UBE2E3: variants seen among roughly 807,000 people sequenced by gnomAD.
UBE2E3 encodes ubiquitin-conjugating enzyme E2 E3.
Under a neutral mutation model 23.6 loss-of-function variants are expected in UBE2E3, and 5 were observed. The observed-to-expected ratio is 0.21, with a 90% CI of 0.11 to 0.44. The LOEUF is 0.44. Ranked by LOEUF, UBE2E3 falls within the 20% of genes least tolerant of loss-of-function variation. UBE2E3 has a pLI of 0.99. For synonymous variants in UBE2E3, 78 were observed against 87.5 expected, an observed-to-expected ratio of 0.89 and a Z score of 0.60; for missense variants, 81 against 249.8, an observed-to-expected ratio of 0.32 and a Z score of 4.55.
At chr2:181,019,826 T>C (rs1398181868) in intron 3 of UBE2E3, among the ~76,000 whole-genome samples, 1 of 152,038 alleles carries the variant, frequency 6.6e-6, no homozygotes, top group African/African-American at 2.4e-5. Flanking sequence ...CCATTTTCTT[T>C]TAATTTTTTT....
intron 3 of UBE2E3, among the ~76,000 whole-genome samples, chr2:181,002,819 T>G (rs528336347): frequency 6.6e-6 from 1 of 152,342 alleles, no homozygotes; most frequent in South Asian, 2.1e-4. Context: ...TCGATTATCT[T>G]TTGTTCCCTC....
At chr2:181,029,565 C>CT (rs781675227) in intron 3 of UBE2E3, among the ~76,000 whole-genome samples, 15 of 149,946 alleles carry the variant, frequency 1.0e-4, no homozygotes, top group Non-Finnish European at 7.4e-5. Flanking sequence ...TATCTAAAAA[C>CT]TTGTTTTTTA....
intron 3 of UBE2E3, among the ~76,000 whole-genome samples, chr2:181,041,307 C>T (rs143122929): frequency 4.5e-4 from 68 of 150,922 alleles, no homozygotes; most frequent in African/African-American, 1.6e-3. Flanking sequence ...GAACCAAAGC[C>T]CTTTACCTCT....
At chr2:181,035,420 ATTAC>A (rs1290316717) in intron 3 of UBE2E3, among the ~76,000 whole-genome samples, 1 of 152,136 alleles carries the variant, frequency 6.6e-6, no homozygotes, top group Non-Finnish European at 1.5e-5. Flanking sequence ...AAAAATATGA[ATTAC>A]TTTTTAAATA....
chr2:181,044,470 C>T (rs1686611686), intron 3 of UBE2E3, among the ~76,000 whole-genome samples: 1 of 152,056 alleles, frequency 6.6e-6, no homozygotes. Flanking sequence ...AAAAAAGAAT[C>T]TTTAGTGGCA....
intron 3 of UBE2E3, among the ~76,000 whole-genome samples, chr2:181,026,854 C>T (rs1266752675): frequency 6.8e-6 from 1 of 147,346 alleles, no homozygotes; most frequent in Non-Finnish European, 1.5e-5. Context: ...TATTCAGGTC[C>T]AACTTTGATT....
intron 3 of UBE2E3, among the ~76,000 whole-genome samples, chr2:181,042,001 A>G (rs761859501): frequency 6.6e-6 from 1 of 152,226 alleles, no homozygotes; most frequent in Non-Finnish European, 1.5e-5. Flanking sequence ...TGAGGATATA[A>G]TTGTGGAGCC....
chr2:181,049,086 G>C (rs1297006366), intron 3 of UBE2E3, among the ~76,000 whole-genome samples: 2 of 152,084 alleles, frequency 1.3e-5, no homozygotes, highest in African/African-American at 4.8e-5. Flanking sequence ...AGCTGAGGGA[G>C]TAAAGAAGCT....
chr2:181,033,052 A>AT (rs1404259143), intron 3 of UBE2E3, among the ~76,000 whole-genome samples: 7 of 152,278 alleles, frequency 4.6e-5, no homozygotes, highest in Admixed American at 1.3e-4. Flanking sequence ...ATGGAAGAAC[A>AT]TTCCATGCTC....
At chr2:181,043,712 C>G (rs988694685) in intron 3 of UBE2E3, among the ~76,000 whole-genome samples, 1 of 152,106 alleles carries the variant, frequency 6.6e-6, no homozygotes, top group Non-Finnish European at 1.5e-5. Context: ...CACCCATCCT[C>G]TTTTAAAATA....
intron 3 of UBE2E3, among the ~76,000 whole-genome samples, chr2:181,026,160 C>A (rs375079779): frequency 8.3e-4 from 126 of 151,954 alleles, no homozygotes; most frequent in African/African-American, 3.0e-3. Context: ...GATGAAAAAA[C>A]ACACTGAAAC....
intron 3 of UBE2E3, among the ~76,000 whole-genome samples, chr2:181,017,797 G>A (rs750548096): frequency 6.8e-6 from 1 of 147,958 alleles, no homozygotes; most frequent in African/African-American, 2.5e-5. Context: ...TTTCAGCTCC[G>A]AACTAAAACG....
intron 3 of UBE2E3, among the ~76,000 whole-genome samples, chr2:180,991,377 A>G (rs1234380203): frequency 6.6e-6 from 1 of 152,194 alleles, no homozygotes; most frequent in Non-Finnish European, 1.5e-5. Flanking sequence ...GAGATTAACA[A>G]CTTCCCATTG....
chr2:181,025,810 G>A (rs749820455), intron 3 of UBE2E3, among the ~76,000 whole-genome samples: 5 of 151,818 alleles, frequency 3.3e-5, no homozygotes, highest in South Asian at 4.1e-4. Flanking sequence ...TCTTCTATAA[G>A]AACAATTCTA....
At chr2:180,991,642 G>A (rs1393606386) in intron 3 of UBE2E3, among the ~76,000 whole-genome samples, 1 of 151,978 alleles carries the variant, frequency 6.6e-6, no homozygotes, top group Non-Finnish European at 1.5e-5. Context: ...GATTTTTTTT[G>A]CGATTTTGTT....
intron 3 of UBE2E3, among the ~76,000 whole-genome samples, chr2:180,995,115 G>T (rs1204308455): frequency 6.6e-6 from 1 of 152,052 alleles, no homozygotes; most frequent in Non-Finnish European, 1.5e-5. Context: ...CCAGTAAATT[G>T]TGTATTGCGG....
intron 3 of UBE2E3, among the ~76,000 whole-genome samples, chr2:180,996,390 C>T (rs776475488): frequency 6.6e-6 from 1 of 152,124 alleles, no homozygotes; most frequent in Non-Finnish European, 1.5e-5. Context: ...TTGAATTAAA[C>T]TGAGGGGGTA....
At chr2:181,000,038 A>G (rs1217495654) in intron 3 of UBE2E3, among the ~76,000 whole-genome samples, 2 of 152,226 alleles carry the variant, frequency 1.3e-5, no homozygotes, top group African/African-American at 2.4e-5. Flanking sequence ...AATAAAGAAT[A>G]TTAATACAGT....
chr2:181,011,519 A>G (rs1559120560), intron 3 of UBE2E3, among the ~76,000 whole-genome samples: 1 of 152,138 alleles, frequency 6.6e-6, no homozygotes, highest in Non-Finnish European at 1.5e-5. Context: ...CATTCAACCC[A>G]TATAACAAGT....
Sources: gnomAD v4.1 joint callset for allele counts (sites outside exome capture counted in the v4.1 genomes callset) on GRCh38, gnomAD v4.1.1 for gene constraint, MANE v1.5 for transcripts, NCBI Gene and HGNC (gene_info 2026-07-23, HGNC 2026-07-21) for gene names.